The following CYTH3 variants were observed in gnomAD, a reference collection of about 807,000 sequenced individuals.
CYTH3 encodes cytohesin-3.
A neutral mutation model predicts 55.1 loss-of-function variants in CYTH3; 23 were observed. That is an observed-to-expected ratio of 0.42 (90% CI 0.30 to 0.59). The LOEUF (loss-of-function observed/expected upper bound fraction) is 0.59, where lower values mean the gene tolerates loss of function less well. Ranked by LOEUF, CYTH3 falls within the 20% of genes least tolerant of loss-of-function variation. CYTH3 has a pLI of 0.20. For synonymous variants in CYTH3, 249 were observed against 194.9 expected, an observed-to-expected ratio of 1.28 and a Z score of -2.31; for missense variants, 413 against 524.8, an observed-to-expected ratio of 0.79 and a Z score of 2.08.
At chr7:6,191,532 C>A (rs549969306) in intron 1 of CYTH3, among the ~76,000 whole-genome samples, 4 of 149,200 alleles carry the variant, frequency 2.7e-5, no homozygotes, top group African/African-American at 9.9e-5. Context: ...GGAAACGCTA[C>A]ACAATTTTTA....
intron 1 of CYTH3, among the ~76,000 whole-genome samples, chr7:6,236,931 T>C (rs1562403579): frequency 1.3e-5 from 2 of 152,222 alleles, no homozygotes; most frequent in African/African-American, 4.8e-5. Context: ...TTTCAAAATT[T>C]ACAAATTTCC....
At chr7:6,272,415 C>T in intron 1 of CYTH3, 59 bp downstream of exon 1, 4 of 499,088 alleles carry the variant, frequency 8.0e-6, no homozygotes, top group African/African-American at 2.0e-5. Context: ...CCCTCGACCC[C>T]CAGCCCCCGG....
intron 1 of CYTH3, among the ~76,000 whole-genome samples, chr7:6,235,560 C>G (rs1477107543): frequency 6.6e-6 from 1 of 152,114 alleles, no homozygotes; most frequent in Admixed American, 6.6e-5. Context: ...TCACGAAGCT[C>G]CCTAAGAGCG....
intron 1 of CYTH3, among the ~76,000 whole-genome samples, chr7:6,224,258 T>C (rs1421579776): frequency 2.4e-4 from 34 of 144,098 alleles, no homozygotes; most frequent in Non-Finnish European, 7.4e-5. Flanking sequence ...ATACATGGAA[T>C]ATGTACACAG....
At chr7:6,177,596 A>G (rs1051112459) in intron 5 of CYTH3, among the ~76,000 whole-genome samples, 1 of 152,252 alleles carries the variant, frequency 6.6e-6, no homozygotes, top group Non-Finnish European at 1.5e-5. Context: ...ATTCCAGAGG[A>G]GTCCCAGGAT....
At chr7:6,196,248 T>C (rs151009523) in intron 1 of CYTH3, among the ~76,000 whole-genome samples, 6 of 151,956 alleles carry the variant, frequency 3.9e-5, no homozygotes, top group African/African-American at 7.3e-5. Flanking sequence ...ACACTTAGCG[T>C]TGAAGGAGAA....
At chr7:6,246,635 A>G (rs1338057306) in intron 1 of CYTH3, among the ~76,000 whole-genome samples, 1 of 152,186 alleles carries the variant, frequency 6.6e-6, no homozygotes, top group African/African-American at 2.4e-5. Flanking sequence ...ACAGTAAAAA[A>G]TAAAGGCTGG....
rs771144675 is a variant in CYTH3 at position 6,272,423 on chromosome 7, C to G, written c.34+51G>C. The stretch of plus-strand genomic sequence containing the variant: ...CGCCGCGCCCTCGACCCCCAGCCCC[C>G]GGCCCCCGACCCCAGGCCGCCGGCG... On this transcript the variant is annotated intron_variant, in intron 1 of 12. Transcript: ENST00000350796. 1,320 of 1,189,450 alleles carry G rather than the reference C, an allele frequency of 1.1e-3. 5 individuals are homozygous for G. Among genetic ancestry groups the G allele is most frequent in the Non-Finnish European group, 1.1e-3 (1,038 of 914,986 alleles). 73.7% of individuals were successfully genotyped at this position (1,189,450 alleles called of 1,614,324 possible). A position where few individuals can be genotyped will look rare whatever the true frequency, so the allele number is the denominator to read the frequency against.
intron 1 of CYTH3, among the ~76,000 whole-genome samples, chr7:6,217,906 G>C (rs1449466744): frequency 6.6e-6 from 1 of 152,094 alleles, no homozygotes; most frequent in East Asian, 1.9e-4. Context: ...TGGAGAGCGA[G>C]GCATGGTGGC....
At chr7:6,229,027 G>T (rs1259905636) in intron 1 of CYTH3, among the ~76,000 whole-genome samples, 1 of 152,122 alleles carries the variant, frequency 6.6e-6, no homozygotes, top group Non-Finnish European at 1.5e-5. Flanking sequence ...GACATATGAA[G>T]ATAACCACAC....
chr7:6,253,582 C>T (rs926754851), intron 1 of CYTH3, among the ~76,000 whole-genome samples: 3 of 151,896 alleles, frequency 2.0e-5, no homozygotes, highest in Non-Finnish European at 4.4e-5. Flanking sequence ...CTTTGGGAGG[C>T]CAAGGCGGGC....
In CYTH3 at chr7:6,167,896, C is replaced by T. The variant is rs148877108; in HGVS notation, c.824-2086G>A. On this transcript the variant is annotated intron_variant, in intron 9 of 12. Transcript: ENST00000350796. The surrounding 1 kb of genome is among the most constrained non-coding windows in gnomAD (Gnocchi z 5.5). ...TCTCAGCTCCACCTTGGGTCCCCCG[C>T]TCACACCTCCCATGCAGAGCCCCAT... is the stretch of plus-strand genomic sequence containing the variant. 1.8e-4 allele frequency among the ~76,000 whole-genome samples: 28 copies of T among 152,362 alleles called. No individual in the cohort carries two copies. Among genetic ancestry groups the T allele is most frequent in the African/African-American group, 5.8e-4 (24 of 41,590 alleles).
intron 1 of CYTH3, among the ~76,000 whole-genome samples, chr7:6,238,012 ACCAGGGTC>A (rs531761054): frequency 1.6e-4 from 25 of 152,220 alleles, no homozygotes; most frequent in Non-Finnish European, 2.6e-4. Context: ...AGGTAAAGAT[ACCAGGGTC>A]CCCACTCATT....
rs71531372 is a variant in CYTH3 at position 6,267,974 on chromosome 7, G to T, written c.34+4500C>A. Among the ~76,000 whole-genome samples, 4 of 152,062 alleles carry T rather than the reference G, an allele frequency of 2.6e-5. 1 individual carries two copies. The highest frequency in any genetic ancestry group is 5.9e-5 in the Non-Finnish European group (4 of 68,016). ...TTTGAATTTCAAAAAATAAAAAGGC[G>T]CATAGTGAAAAGTTTCCTTCCCACC... On this transcript the variant is annotated intron_variant, in intron 1 of 12. Transcript: ENST00000350796.
intron 1 of CYTH3, among the ~76,000 whole-genome samples, chr7:6,220,327 T>C (rs1341041263): frequency 6.6e-6 from 1 of 152,094 alleles, no homozygotes; most frequent in East Asian, 1.9e-4. Context: ...CCTCATATTT[T>C]ATACAAAATT....
chr7:6,249,611 C>A (rs765963113), intron 1 of CYTH3, among the ~76,000 whole-genome samples: 14 of 152,248 alleles, frequency 9.2e-5, no homozygotes, highest in Non-Finnish European at 1.8e-4. Context: ...TACTCTAAAC[C>A]CTCCTTCTGT....
At chr7:6,259,789 A>ATATTT in intron 1 of CYTH3, among the ~76,000 whole-genome samples, 1 of 15,990 alleles carries the variant, frequency 6.3e-5, no homozygotes, top group East Asian at 3.2e-3. Context: ...TATATAATAT[A>ATATTT]TATATATATA....
At chr7:6,176,254 A>ATTTTTTTTTT (rs776819156) in intron 5 of CYTH3, among the ~76,000 whole-genome samples, 3 of 82,868 alleles carry the variant, frequency 3.6e-5, no homozygotes, top group African/African-American at 1.1e-4. Context: ...AATACAATTG[A>ATTTTTTTTTT]TTTTTTTTTT....
chr7:6,177,068 C>A (rs1287576940), intron 5 of CYTH3, among the ~76,000 whole-genome samples: 1 of 152,222 alleles, frequency 6.6e-6, no homozygotes, highest in African/African-American at 2.4e-5. Context: ...CCCCTTGGTG[C>A]ACAATCCTTT....
Sources: gnomAD v4.1 joint callset for allele counts (sites outside exome capture counted in the v4.1 genomes callset) on GRCh38, gnomAD v4.1.1 for gene constraint, Gnocchi (gnomAD v3.1) non-coding constraint, MANE v1.5 for transcripts, NCBI Gene and HGNC (gene_info 2026-07-23, HGNC 2026-07-21) for gene names.